SLC44A1: variants seen among roughly 807,000 people sequenced by gnomAD.
SLC44A1 encodes the protein solute carrier family 44 member 1, also known as choline transporter-like protein 1.
A neutral mutation model predicts 79.3 loss-of-function variants in SLC44A1; 26 were observed. The observed-to-expected ratio is 0.33, with a 90% CI of 0.24 to 0.46. SLC44A1 has a LOEUF of 0.46. Ranked by LOEUF, SLC44A1 falls within the 20% of genes least tolerant of loss-of-function variation. SLC44A1 has a pLI of 1.00. For missense variants in SLC44A1, 688 were observed against 798.1 expected (o/e 0.86, Z 1.66); for synonymous variants, 263 against 286.2 (o/e 0.92, Z 0.82).
chr9:105,387,060 A>AAAAATATATATATATATATATAT (rs34780893), intron 15 of SLC44A1, among the ~76,000 whole-genome samples: 1 of 7,732 alleles, frequency 1.3e-4, no homozygotes, highest in Non-Finnish European at 2.4e-4. Context: ...AAAAAAAAAA[A>AAAAATATATATATATATATATAT]ATATATATAT....
At chr9:105,365,406 G>T in intron 10 of SLC44A1, 77 bp from the exon 11 acceptor site, 4 of 1,117,706 alleles carry the variant, frequency 3.6e-6, no homozygotes, top group African/African-American at 1.6e-5. Context: ...TCACTGCGTT[G>T]GACTCTAAAC....
intron 1 of SLC44A1, among the ~76,000 whole-genome samples, chr9:105,246,414 T>G (rs897257621): frequency 6.6e-6 from 1 of 151,908 alleles, no homozygotes; most frequent in African/African-American, 2.4e-5. Context: ...CCGTTAGCTT[T>G]TTTTTTTCCT....
Position 105,393,416 on chromosome 9 carries a change from C to T in SLC44A1, c.*4360C>T, listed in dbSNP as rs1022378384. 9.1e-6 allele frequency: 9 copies of T among 985,050 alleles called. No individual in the cohort carries two copies. Among genetic ancestry groups the T allele is most frequent in the African/African-American group, 1.7e-5 (1 of 57,216 alleles). 61.0% of individuals were successfully genotyped at this position (985,050 alleles called of 1,614,324 possible). The stretch of plus-strand genomic sequence containing the variant: ...AAAAAACAAAACAAAAATTACACGT[C>T]GTGTACAGTTATGAATTTAGAATAG... On this transcript the variant is annotated 3_prime_UTR_variant, in exon 16 of 16. Coordinates refer to ENST00000374720, the MANE Select transcript of SLC44A1 (RefSeq NM_080546.5).
At chr9:105,320,017 C>G (rs968355984) in intron 3 of SLC44A1, among the ~76,000 whole-genome samples, 5 of 152,176 alleles carry the variant, frequency 3.3e-5, no homozygotes, top group Non-Finnish European at 7.4e-5. Flanking sequence ...GTAGTCAGTC[C>G]TTGCCCCCAT....
intron 13 of SLC44A1, 98 bp from the exon 14 acceptor site, chr9:105,383,025 C>A (rs1263433336): frequency 1.3e-6 from 1 of 799,402 alleles, no homozygotes; most frequent in Non-Finnish European, 2.1e-6. Context: ...ATGCAACCAT[C>A]ATTTATAAAT....
rs1171379938 is a variant in SLC44A1, at chr9:105,392,474, C to T, written c.*3418C>T. The T allele has an allele frequency of 1.0e-6, 1 of 967,106 alleles. No individual in the cohort carries two copies. Among genetic ancestry groups the T allele is most frequent in the Non-Finnish European group, 1.2e-6 (1 of 827,066 alleles). 59.9% of individuals were successfully genotyped at this position (967,106 alleles called of 1,614,324 possible). ...GCTGATTGTAAGTTATTTCCAATACCACTGATCTTGGTATCTGCCAAGGGC... is the reference window on the plus strand; with the variant it reads ...GCTGATTGTAAGTTATTTCCAATACTACTGATCTTGGTATCTGCCAAGGGC... On this transcript the variant is annotated 3_prime_UTR_variant, in exon 16 of 16. Transcript: ENST00000374720.
At chr9:105,363,957 CA>C (rs1296420819) in intron 9 of SLC44A1, among the ~76,000 whole-genome samples, 1 of 152,102 alleles carries the variant, frequency 6.6e-6, no homozygotes, top group African/African-American at 2.4e-5. Context: ...CAGGTATAGC[CA>C]AGGATCTACT....
At chr9:105,368,323 G>T (rs1398633403) in intron 12 of SLC44A1, among the ~76,000 whole-genome samples, 1 of 152,138 alleles carries the variant, frequency 6.6e-6, no homozygotes, top group African/African-American at 2.4e-5. Flanking sequence ...TTAGGGAGAG[G>T]TGTTCTGAAC....
At chr9:105,368,969 T>C (rs6479316) in intron 12 of SLC44A1, among the ~76,000 whole-genome samples, 32,337 of 151,746 alleles carry the variant, frequency 0.21, 5,516 homozygotes, top group African/African-American at 0.47. Flanking sequence ...ACCTGGGAGG[T>C]GGAGGTTGTA....
intron 1 of SLC44A1, among the ~76,000 whole-genome samples, chr9:105,295,515 A>C (rs1459806626): frequency 6.6e-6 from 1 of 152,228 alleles, no homozygotes; most frequent in Admixed American, 6.5e-5. Context: ...CACTTGGTTA[A>C]ATCTGTTAAA....
chr9:105,365,720 G>T, intron 11 of SLC44A1, 81 bp downstream of exon 11: 1 of 1,316,970 alleles, frequency 7.6e-7, no homozygotes, highest in Non-Finnish European at 1.1e-6. Context: ...ACCCAATAAT[G>T]TTAAATACAA....
Position 105,364,558 on chromosome 9 carries a change from G to C in SLC44A1, c.1091G>C (p.Ser364Thr). 1.9e-6 allele frequency: 3 copies of C among 1,611,840 alleles called. No individual in the cohort carries two copies. The highest frequency in any genetic ancestry group is 2.5e-6 in the Non-Finnish European group (3 of 1,179,308). ...MTLLFLGTTG[S>T]PVQNEQGFVE... ...TCCTTCCTTGATATTTTCCTAGGCA[G>C]TCCTGTTCAGAATGAGCAAGGCTTT... The change falls in exon 10 of 16, where the codon AGT (serine) becomes ACT (threonine). Residue 364 changes from serine (S) to threonine (T), a missense_variant. Physicochemically the swap from Ser to Thr is moderately conservative, Grantham distance 58. Transcript: ENST00000374720.
At chr9:105,314,295 G>A (rs1272921529) in intron 3 of SLC44A1, among the ~76,000 whole-genome samples, 2 of 152,294 alleles carry the variant, frequency 1.3e-5, no homozygotes, top group East Asian at 3.9e-4. Flanking sequence ...GCCTGAGATG[G>A]GAGAAGATAT....
chr9:105,343,611 G>T lies in SLC44A1; in HGVS notation c.407-4747G>T, dbSNP rs118151683. ...AATGAAATGATCAACTCTAGCAACCGAATTAATTGTCTCCAAGTCAGAGAT... is the reference window on the plus strand; with the variant it reads ...AATGAAATGATCAACTCTAGCAACCTAATTAATTGTCTCCAAGTCAGAGAT... On this transcript the variant is annotated intron_variant, in intron 4 of 15. Transcript: ENST00000374720. Among the ~76,000 whole-genome samples the T allele has an allele frequency of 1.4e-3, 217 of 152,274 alleles. 1 individual carries two copies. Among genetic ancestry groups the T allele is most frequent in the Non-Finnish European group, 1.6e-3 (112 of 68,022 alleles).
chr9:105,249,158 A>G (rs1219967157), intron 1 of SLC44A1, among the ~76,000 whole-genome samples: 2 of 152,228 alleles, frequency 1.3e-5, no homozygotes, highest in Non-Finnish European at 2.9e-5. Flanking sequence ...TAGCACTCAT[A>G]TTCTGTTTTG....
intron 2 of SLC44A1, among the ~76,000 whole-genome samples, chr9:105,304,944 G>GTTTTTTTTTTTTTTTTTT (rs10589897): frequency 5.0e-5 from 1 of 20,078 alleles, no homozygotes; most frequent in Non-Finnish European, 1.1e-4. Flanking sequence ...ACTTTCTATC[G>GTTTTTTTTTTTTTTTTTT]TTTTTTTTTT....
chr9:105,350,520 C>T (rs1279510697), intron 5 of SLC44A1, among the ~76,000 whole-genome samples: 1 of 152,066 alleles, frequency 6.6e-6, no homozygotes, highest in Non-Finnish European at 1.5e-5. Context: ...CCAGGCAAAA[C>T]TATGAGGCAG....
intron 3 of SLC44A1, among the ~76,000 whole-genome samples, chr9:105,316,940 G>A (rs574679917): frequency 3.3e-4 from 51 of 152,316 alleles, no homozygotes; most frequent in African/African-American, 1.2e-3. Flanking sequence ...AGAAGTCTGT[G>A]CACAGCATGG....
intron 15 of SLC44A1, among the ~76,000 whole-genome samples, chr9:105,420,001 C>T (rs1829224703): frequency 6.6e-6 from 1 of 152,034 alleles, no homozygotes; most frequent in African/African-American, 2.4e-5. Context: ...TGCTTCCTAC[C>T]TCCCATGCAG....
Sources: allele counts gnomAD v4.1 joint callset (sites outside exome capture counted in the v4.1 genomes callset), GRCh38; gene constraint gnomAD v4.1.1; transcripts MANE v1.5; gene names NCBI Gene and HGNC (gene_info 2026-07-23, HGNC 2026-07-21).